The following NLGN1 variants were observed in gnomAD, a reference collection of about 807,000 sequenced individuals.
NLGN1 encodes the protein neuroligin-1.
A neutral mutation model predicts 65.5 loss-of-function variants in NLGN1; 12 were observed. The observed-to-expected ratio is 0.18, with a 90% CI of 0.12 to 0.30. NLGN1 has a LOEUF of 0.30. NLGN1 is among the 10% of genes least tolerant of loss of function. The probability of loss-of-function intolerance (pLI) is 1.00; values close to 1 mark genes in which losing one functional copy is unlikely to be tolerated. For missense variants in NLGN1, 750 were observed against 1,007.1 expected, an observed-to-expected ratio of 0.74 and a Z score of 3.46; for synonymous variants, 350 against 359.5, an observed-to-expected ratio of 0.97 and a Z score of 0.30.
intron 4 of NLGN1, among the ~76,000 whole-genome samples, chr3:174,070,011 GGA>G (rs1739471774): frequency 6.6e-6 from 1 of 152,164 alleles, no homozygotes; most frequent in Non-Finnish European, 1.5e-5. Flanking sequence ...ACAATACTGA[GGA>G]GAGAGTTTGA....
At chr3:173,517,744 G>A (rs901636272) in intron 2 of NLGN1, among the ~76,000 whole-genome samples, 23 of 127,700 alleles carry the variant, frequency 1.8e-4, no homozygotes, top group African/African-American at 4.2e-4. Flanking sequence ...CTTTGCTTTC[G>A]CAAATTTATC....
At chr3:173,503,792 G>T (rs1437014926) in intron 2 of NLGN1, among the ~76,000 whole-genome samples, 2 of 152,078 alleles carry the variant, frequency 1.3e-5, no homozygotes, top group East Asian at 1.9e-4. Flanking sequence ...GTGCTACAGG[G>T]TGTAGCACTG....
intron 3 of NLGN1, among the ~76,000 whole-genome samples, chr3:173,677,816 T>G (rs1357990933): frequency 9.2e-5 from 14 of 152,110 alleles, no homozygotes; most frequent in Middle Eastern, 3.2e-3. Flanking sequence ...ATGTCTACAT[T>G]AGGTAGGTAC....
At chr3:174,155,850 C>A (rs1182701540) in intron 4 of NLGN1, among the ~76,000 whole-genome samples, 1 of 151,774 alleles carries the variant, frequency 6.6e-6, no homozygotes, top group Non-Finnish European at 1.5e-5. Flanking sequence ...GGGAGCAAAG[C>A]CAATCTTAGT....
At chr3:173,942,357 G>C (rs966667765) in intron 4 of NLGN1, among the ~76,000 whole-genome samples, 11 of 152,082 alleles carry the variant, frequency 7.2e-5, no homozygotes, top group Admixed American at 6.6e-5. Context: ...CATTCTAATA[G>C]TGTTGGCTTG....
intron 4 of NLGN1, among the ~76,000 whole-genome samples, chr3:174,027,440 G>A (rs1014954505): frequency 6.6e-6 from 1 of 152,152 alleles, no homozygotes; most frequent in Non-Finnish European, 1.5e-5. Flanking sequence ...AGTAGGTTCA[G>A]GGGAAAGACT....
In NLGN1 at chr3:173,850,263, A is replaced by G. The variant is rs1405851748; in HGVS notation, c.646+42431A>G. Among the ~76,000 whole-genome samples, 3 of 152,304 alleles carry G rather than the reference A, an allele frequency of 2.0e-5. No homozygotes were observed. The East Asian group carries it at 5.8e-4, about 29-fold the overall frequency. On this transcript the variant is annotated intron_variant, in intron 4 of 6. Coordinates refer to ENST00000457714, the Ensembl canonical transcript of NLGN1. ...TATGTATGTGTGTGATTATGGGTAT[A>G]TACGGATGTTGGATTTAACAAAACA...
chr3:173,914,574 G>A (rs1416392583), intron 4 of NLGN1, among the ~76,000 whole-genome samples: 1 of 151,730 alleles, frequency 6.6e-6, no homozygotes, highest in African/African-American at 2.4e-5. Context: ...TATATTTGAT[G>A]AAGACTTACA....
intron 4 of NLGN1, among the ~76,000 whole-genome samples, chr3:174,246,943 G>C (rs550542203): frequency 1.3e-5 from 2 of 152,246 alleles, no homozygotes; most frequent in South Asian, 4.1e-4. Context: ...AACACCCATT[G>C]ATCTCATTGA....
At chr3:173,778,250 C>G (rs888626213) in intron 3 of NLGN1, among the ~76,000 whole-genome samples, 1 of 151,796 alleles carries the variant, frequency 6.6e-6, no homozygotes, top group South Asian at 2.1e-4. Context: ...TTTATCTTTT[C>G]TGGCTTTGGA....
chr3:173,469,578 G>T (rs1320158203), intron 2 of NLGN1, among the ~76,000 whole-genome samples: 1 of 151,808 alleles, frequency 6.6e-6, no homozygotes, highest in Admixed American at 6.6e-5. Flanking sequence ...ACTGACATTT[G>T]GGTGATGCCT....
At chr3:174,086,213 G>GCATACATA (rs1743214772) in intron 4 of NLGN1, among the ~76,000 whole-genome samples, 1 of 3,298 alleles carries the variant, frequency 3.0e-4, no homozygotes. Flanking sequence ...GTGCGTGTGT[G>GCATACATA]TGTATATTTA....
At chr3:173,654,135 T>C (rs553060924) in intron 3 of NLGN1, among the ~76,000 whole-genome samples, 34 of 152,298 alleles carry the variant, frequency 2.2e-4, no homozygotes, top group Admixed American at 1.0e-3. Context: ...TAAAGATTAC[T>C]GTTGTTATAA....
At chr3:173,544,366 A>G (rs746018975) in intron 2 of NLGN1, among the ~76,000 whole-genome samples, 1 of 151,866 alleles carries the variant, frequency 6.6e-6, no homozygotes, top group Non-Finnish European at 1.5e-5. Flanking sequence ...CTATGCATTT[A>G]TTTCAGACAT....
intron 3 of NLGN1, among the ~76,000 whole-genome samples, chr3:173,788,164 G>A (rs1405778730): frequency 1.0e-5 from 1 of 97,536 alleles, no homozygotes; most frequent in Non-Finnish European, 1.9e-5. Context: ...TAAATTTTCT[G>A]TATTTTTTTT....
intron 2 of NLGN1, among the ~76,000 whole-genome samples, chr3:173,510,155 A>T (rs1434077338): frequency 1.3e-5 from 2 of 152,130 alleles, no homozygotes; most frequent in Non-Finnish European, 2.9e-5. Context: ...ACATAACACA[A>T]TTTTTCTTTC....
intron 4 of NLGN1, among the ~76,000 whole-genome samples, chr3:174,217,908 AAAG>A (rs1020683136): frequency 2.0e-4 from 30 of 152,108 alleles, no homozygotes; most frequent in African/African-American, 7.2e-4. Context: ...TGAGGGGGAT[AAAG>A]AAGACAAACT....
chr3:173,695,895 C>T (rs190990716), intron 3 of NLGN1, among the ~76,000 whole-genome samples: 3 of 152,318 alleles, frequency 2.0e-5, no homozygotes, highest in African/African-American at 7.2e-5. Context: ...ACTGCAGCCT[C>T]GACCTCCTGG....
At chr3:173,986,821 C>T (rs956292883) in intron 4 of NLGN1, among the ~76,000 whole-genome samples, 3 of 152,162 alleles carry the variant, frequency 2.0e-5, no homozygotes, top group South Asian at 2.1e-4. Context: ...ACTCGGGACA[C>T]GACAGAGCAG....
Sources: gnomAD v4.1 joint callset for allele counts (sites outside exome capture counted in the v4.1 genomes callset) on GRCh38, gnomAD v4.1.1 for gene constraint, MANE v1.5 for transcripts, NCBI Gene and HGNC (gene_info 2026-07-23, HGNC 2026-07-21) for gene names.